The following CPNE8 variants were observed in gnomAD, a reference collection of about 807,000 sequenced individuals.
The protein encoded by CPNE8 is copine 8, also known as copine-8.
Under a neutral mutation model 81.5 loss-of-function variants are expected in CPNE8, and 45 were observed. That is an observed-to-expected ratio of 0.55 (90% CI 0.44 to 0.71). CPNE8 has a LOEUF of 0.71. Ranked by LOEUF, CPNE8 falls within the 30% of genes least tolerant of loss-of-function variation. CPNE8 has a pLI of 0.00. For missense variants in CPNE8, 594 were observed against 672.1 expected, an observed-to-expected ratio of 0.88 and a Z score of 1.28; for synonymous variants, 252 against 226.3, an observed-to-expected ratio of 1.11 and a Z score of -1.02.
At chr12:38,684,379 T>C (rs1200394823) in intron 16 of CPNE8, among the ~76,000 whole-genome samples, 1 of 152,120 alleles carries the variant, frequency 6.6e-6, no homozygotes, top group Admixed American at 6.6e-5. Flanking sequence ...TACCATTTCA[T>C]GAGTAACTTT....
At chr12:38,739,608 G>T (rs1941042402) in intron 10 of CPNE8, among the ~76,000 whole-genome samples, 2 of 152,108 alleles carry the variant, frequency 1.3e-5, no homozygotes, top group South Asian at 4.1e-4. Context: ...CTGACTTTGG[G>T]TCACTTAGTA....
At chr12:38,790,798 G>A (rs1405856266) in intron 6 of CPNE8, among the ~76,000 whole-genome samples, 1 of 151,624 alleles carries the variant, frequency 6.6e-6, no homozygotes, top group East Asian at 1.9e-4. Context: ...TCGAGCACAT[G>A]AAGAATAAAT....
chr12:38,732,916 A>G (rs1940865708), intron 10 of CPNE8, among the ~76,000 whole-genome samples: 1 of 152,042 alleles, frequency 6.6e-6, no homozygotes, highest in African/African-American at 2.4e-5. Flanking sequence ...ATGTAAATGC[A>G]ATGCTATCCA....
chr12:38,679,250 T>C (rs1022214291), intron 16 of CPNE8, among the ~76,000 whole-genome samples: 1 of 151,850 alleles, frequency 6.6e-6, no homozygotes, highest in Non-Finnish European at 1.5e-5. Flanking sequence ...CTGACTACTA[T>C]GCAGTCATAT....
intron 18 of CPNE8, 102 bp downstream of exon 18, chr12:38,675,615 A>G: frequency 1.3e-6 from 1 of 751,810 alleles, no homozygotes; most frequent in Non-Finnish European, 2.3e-6. Flanking sequence ...CCAAATACAC[A>G]GTCACATCCT....
intron 9 of CPNE8, among the ~76,000 whole-genome samples, chr12:38,761,875 A>T (rs751369105): frequency 7.9e-5 from 12 of 152,164 alleles, no homozygotes; most frequent in South Asian, 2.1e-4. Flanking sequence ...TACTTGTTCC[A>T]CTCTAGAAGG....
At chr12:38,897,951 A>T (rs916734660) in intron 1 of CPNE8, among the ~76,000 whole-genome samples, 2 of 152,162 alleles carry the variant, frequency 1.3e-5, no homozygotes, top group Non-Finnish European at 2.9e-5. Flanking sequence ...TGTTTCAAAG[A>T]TACTAAGTGG....
intron 18 of CPNE8, among the ~76,000 whole-genome samples, chr12:38,673,494 T>A (rs1026763263): frequency 1.3e-5 from 2 of 152,120 alleles, no homozygotes; most frequent in Non-Finnish European, 2.9e-5. Context: ...AAATTTTTTT[T>A]AAGCCATGAA....
At chr12:38,744,017 G>A (rs1384480296) in intron 10 of CPNE8, among the ~76,000 whole-genome samples, 1 of 152,098 alleles carries the variant, frequency 6.6e-6, no homozygotes, top group Non-Finnish European at 1.5e-5. Flanking sequence ...ACATATTTTT[G>A]TTTGGTTTTA....
chr12:38,735,270 T>G (rs1447313944), intron 10 of CPNE8, among the ~76,000 whole-genome samples: 1 of 151,946 alleles, frequency 6.6e-6, no homozygotes, highest in Non-Finnish European at 1.5e-5. Flanking sequence ...GAAAGACCCC[T>G]TGGACTGAAA....
At chr12:38,659,813 A>C (rs191436421) in intron 19 of CPNE8, among the ~76,000 whole-genome samples, 1 of 152,314 alleles carries the variant, frequency 6.6e-6, no homozygotes, top group East Asian at 1.9e-4. Flanking sequence ...AAGCATTCCT[A>C]TACACCAATA....
intron 6 of CPNE8, among the ~76,000 whole-genome samples, chr12:38,815,432 A>G (rs1449625471): frequency 2.0e-5 from 3 of 152,206 alleles, no homozygotes; most frequent in Non-Finnish European, 4.4e-5. Context: ...AGCTTTTCAC[A>G]TGTCATTCAA....
At chr12:38,781,837 GA>G (rs1020525464) in intron 6 of CPNE8, among the ~76,000 whole-genome samples, 2 of 151,922 alleles carry the variant, frequency 1.3e-5, no homozygotes, top group Admixed American at 6.6e-5. Context: ...CTAACCATGA[GA>G]AAAACATCAC....
At chr12:38,714,831 C>T (rs531611541) in intron 13 of CPNE8, among the ~76,000 whole-genome samples, 3 of 151,964 alleles carry the variant, frequency 2.0e-5, no homozygotes, top group African/African-American at 4.8e-5. Flanking sequence ...TCTGGTTTCA[C>T]AAACAATCAA....
chr12:38,861,018 T>C (rs1294912386), intron 3 of CPNE8, among the ~76,000 whole-genome samples: 1 of 152,112 alleles, frequency 6.6e-6, no homozygotes, highest in East Asian at 1.9e-4. Context: ...TTACAAAAAA[T>C]AATGTGGAAA....
rs915513139 is a variant in CPNE8, at chr12:38,774,746, C to G, written c.471+1492G>C. 2.6e-5 allele frequency among the ~76,000 whole-genome samples: 4 copies of G among 151,982 alleles called. No homozygotes were observed. The East Asian group carries it at 7.7e-4, about 29-fold the overall frequency. The stretch of plus-strand genomic sequence containing the variant: ...GTACAAATTAGTAGCAAAACCAAAA[C>G]TTGAGTCTGATAGTCTTTAACAGCA... On this transcript the variant is annotated intron_variant, in intron 7 of 19. Coordinates refer to ENST00000331366, the MANE Select transcript of CPNE8 (RefSeq NM_153634.3).
At chr12:38,772,070 C>G (rs1443269412) in intron 7 of CPNE8, among the ~76,000 whole-genome samples, 1 of 152,146 alleles carries the variant, frequency 6.6e-6, no homozygotes, top group Non-Finnish European at 1.5e-5. Flanking sequence ...TGGATTAATT[C>G]TCTCAGAATG....
intron 14 of CPNE8, among the ~76,000 whole-genome samples, chr12:38,695,019 C>T (rs951391065): frequency 6.6e-6 from 1 of 152,122 alleles, no homozygotes; most frequent in African/African-American, 2.4e-5. Context: ...TACCAGCGTT[C>T]AAGGGCTGGC....
chr12:38,829,985 T>C (rs1943257755), intron 5 of CPNE8, among the ~76,000 whole-genome samples: 2 of 152,214 alleles, frequency 1.3e-5, no homozygotes, highest in Non-Finnish European at 2.9e-5. Flanking sequence ...TTTGCTCTTC[T>C]CTATAATGTA....
Sources: gnomAD v4.1 joint callset for allele counts (sites outside exome capture counted in the v4.1 genomes callset) on GRCh38, gnomAD v4.1.1 for gene constraint, MANE v1.5 for transcripts, NCBI Gene and HGNC (gene_info 2026-07-23, HGNC 2026-07-21) for gene names.